Variants in CDK17 observed in about 807,000 individuals in gnomAD.
The protein encoded by CDK17 is cyclin-dependent kinase 17.
In CDK17, 24 loss-of-function variants were observed where a neutral mutation model predicts 77.6. The ratio of observed to expected loss-of-function variants is 0.31; its 90% CI spans 0.22 to 0.44. The LOEUF (loss-of-function observed/expected upper bound fraction) is 0.44. Ranked by LOEUF, CDK17 falls within the 20% of genes least tolerant of loss-of-function variation. CDK17 has a pLI of 1.00. For synonymous variants in CDK17, 203 were observed against 210.4 expected (o/e 0.96, Z 0.30); for missense variants, 429 against 622.5 (o/e 0.69, Z 3.31).
intron 5 of CDK17, among the ~76,000 whole-genome samples, chr12:96,306,246 A>G (rs1952575636): frequency 6.6e-6 from 1 of 152,172 alleles, no homozygotes; most frequent in Admixed American, 6.5e-5. Context: ...TGTTATTTTT[A>G]CTACTCATTA....
At chr12:96,280,730 G>A (rs1462183476) in intron 16 of CDK17, 78 bp downstream of exon 16, 2 of 1,574,752 alleles carry the variant, frequency 1.3e-6, no homozygotes, top group Non-Finnish European at 1.7e-6. Context: ...TAATTTTACT[G>A]ATCAATTTAT....
At chr12:96,286,594 T>C (rs1952249391) in intron 12 of CDK17, 70 bp downstream of exon 12, 6 of 1,034,536 alleles carry the variant, frequency 5.8e-6, no homozygotes, top group Non-Finnish European at 8.9e-6. Flanking sequence ...ATATGTATTT[T>C]AGAGATACAG....
chr12:96,339,197 C>T (rs937441194), intron 1 of CDK17, among the ~76,000 whole-genome samples: 1 of 152,142 alleles, frequency 6.6e-6, no homozygotes, highest in Non-Finnish European at 1.5e-5. Context: ...CAGTAACATT[C>T]TGTAACACAG....
At chr12:96,346,535 G>A (rs1039058444) in intron 1 of CDK17, among the ~76,000 whole-genome samples, 2 of 152,106 alleles carry the variant, frequency 1.3e-5, no homozygotes. Context: ...GGCTGAGGCA[G>A]GAAAACTGCT....
chr12:96,348,523 C>CAAAAAAAAAAAAAAAAAAAAAAAAAAA (rs35363324), intron 1 of CDK17, among the ~76,000 whole-genome samples: 1 of 66,374 alleles, frequency 1.5e-5, no homozygotes, highest in Non-Finnish European at 2.6e-5. Context: ...GACTCTGTCT[C>CAAAAAAAAAAAAAAAAAAAAAAAAAAA]AAAAAAAAAA....
At chr12:96,330,259 A>G (rs969724132) in intron 2 of CDK17, among the ~76,000 whole-genome samples, 1 of 152,166 alleles carries the variant, frequency 6.6e-6, no homozygotes, top group Non-Finnish European at 1.5e-5. Context: ...AATAGAATTA[A>G]GACTTATCAA....
At chr12:96,360,083 G>A (rs1204755338) in intron 1 of CDK17, among the ~76,000 whole-genome samples, 3 of 152,164 alleles carry the variant, frequency 2.0e-5, no homozygotes, top group Non-Finnish European at 4.4e-5. Flanking sequence ...GATGGGGGAA[G>A]GGATCTGGAA....
chr12:96,384,574 C>T (rs558350571), intron 1 of CDK17, among the ~76,000 whole-genome samples: 2 of 152,156 alleles, frequency 1.3e-5, no homozygotes, highest in African/African-American at 4.8e-5. Context: ...TACTGTATAG[C>T]CATAAAAAAA....
chr12:96,364,250 G>A (rs1953546601), intron 1 of CDK17, among the ~76,000 whole-genome samples: 1 of 152,132 alleles, frequency 6.6e-6, no homozygotes, highest in South Asian at 2.1e-4. Context: ...ATGGACAAAT[G>A]TCTTCCTTTC....
chr12:96,300,440 A>C (rs1281470118), intron 5 of CDK17, 80 bp from the exon 6 acceptor site: 3 of 812,982 alleles, frequency 3.7e-6, no homozygotes, highest in Non-Finnish European at 5.9e-6. Flanking sequence ...TCTGTTGCCC[A>C]GGCTGGAGTG....
At chr12:96,389,552 C>A (rs936561148) in intron 1 of CDK17, among the ~76,000 whole-genome samples, 2 of 152,012 alleles carry the variant, frequency 1.3e-5, no homozygotes, top group Non-Finnish European at 2.9e-5. Context: ...AACTTATGGG[C>A]AAAAATTATT....
intron 1 of CDK17, among the ~76,000 whole-genome samples, chr12:96,371,681 G>A (rs372127619): frequency 9.2e-5 from 14 of 151,958 alleles, no homozygotes; most frequent in Admixed American, 4.6e-4. Context: ...GTGGTGAGCC[G>A]AGATCAGGCC....
intron 2 of CDK17, among the ~76,000 whole-genome samples, chr12:96,326,411 T>C (rs915438000): frequency 6.6e-6 from 1 of 152,172 alleles, no homozygotes; most frequent in Non-Finnish European, 1.5e-5. Flanking sequence ...TTTTACACTG[T>C]ATATTGAGGA....
At chr12:96,387,562 C>A (rs143989932) in intron 1 of CDK17, among the ~76,000 whole-genome samples, 22 of 152,264 alleles carry the variant, frequency 1.4e-4, no homozygotes, top group Admixed American at 5.2e-4. Flanking sequence ...AGCATCCAGG[C>A]AGATTTTATG....
At chr12:96,292,064 T>A (rs753537769) in intron 10 of CDK17, among the ~76,000 whole-genome samples, 45 of 152,082 alleles carry the variant, frequency 3.0e-4, no homozygotes, top group Admixed American at 4.6e-4. Flanking sequence ...ACATAAACTA[T>A]GCCCAAGAAG....
At chr12:96,312,033 T>C (rs1232801394) in intron 4 of CDK17, among the ~76,000 whole-genome samples, 3 of 152,106 alleles carry the variant, frequency 2.0e-5, no homozygotes, top group Non-Finnish European at 4.4e-5. Context: ...GATATTAAAA[T>C]ATACTACAGG....
At chr12:96,396,500 T>C (rs917502958) in intron 1 of CDK17, among the ~76,000 whole-genome samples, 4 of 152,242 alleles carry the variant, frequency 2.6e-5, no homozygotes, top group Admixed American at 2.6e-4. Flanking sequence ...TAAAGCACAT[T>C]TTTAAATGCC....
At chr12:96,367,555 A>G (rs1161972175) in intron 1 of CDK17, among the ~76,000 whole-genome samples, 1 of 152,102 alleles carries the variant, frequency 6.6e-6, no homozygotes, top group Non-Finnish European at 1.5e-5. Context: ...TATGAATGGG[A>G]GAAAAGAGTA....
At chr12:96,346,924 A>AG (rs1206468158) in intron 1 of CDK17, among the ~76,000 whole-genome samples, 1 of 151,970 alleles carries the variant, frequency 6.6e-6, no homozygotes, top group Admixed American at 6.6e-5. Flanking sequence ...AAAAAAAAAA[A>AG]AGAGAGAGAA....
Sources: allele counts gnomAD v4.1 joint callset (sites outside exome capture counted in the v4.1 genomes callset), GRCh38; gene constraint gnomAD v4.1.1; transcripts MANE v1.5; gene names NCBI Gene and HGNC (gene_info 2026-07-23, HGNC 2026-07-21).